SOD2: variants seen among roughly 807,000 people sequenced by gnomAD.
The protein encoded by SOD2 is superoxide dismutase [Mn], mitochondrial.
Under a neutral mutation model 27.0 loss-of-function variants are expected in SOD2, and 11 were observed. The observed-to-expected ratio is 0.41, with a 90% CI of 0.26 to 0.67. The LOEUF is 0.67. SOD2 is among the 30% of genes least tolerant of loss of function. The pLI is 0.34. For synonymous variants in SOD2, 105 were observed against 103.0 expected (o/e 1.02, Z -0.12); for missense variants, 250 against 274.5 (o/e 0.91, Z 0.63).
At chr6:159,699,730 C>T (rs909820995) in intron 1 of SOD2, among the ~76,000 whole-genome samples, 8 of 152,132 alleles carry the variant, frequency 5.3e-5, no homozygotes, top group African/African-American at 1.9e-4. Flanking sequence ...TAAAGAGTAG[C>T]CCAGACCACT....
At chr6:159,712,372 TC>T in intron 1 of SOD2, among the ~76,000 whole-genome samples, 1 of 92,442 alleles carries the variant, frequency 1.1e-5, no homozygotes, top group South Asian at 4.1e-4. Flanking sequence ...TGCTCTGACC[TC>T]CATAACCACC....
intron 1 of SOD2, chr6:159,755,443 T>C (rs904982613): frequency 6.2e-7 from 1 of 1,613,960 alleles, no homozygotes; most frequent in African/African-American, 1.3e-5. Context: ...GTGTAGACTC[T>C]CCCACGGGCA....
chr6:159,738,939 C>CTT, intron 1 of SOD2: 1 of 1,404,740 alleles, frequency 7.1e-7, no homozygotes, highest in Non-Finnish European at 1.0e-6. Context: ...CATTATAGAA[C>CTT]TTTGTGTCTT....
intron 1 of SOD2, among the ~76,000 whole-genome samples, chr6:159,709,361 T>C (rs2114817812): frequency 6.6e-6 from 1 of 152,200 alleles, no homozygotes; most frequent in East Asian, 1.9e-4. Context: ...TTTTGCAATC[T>C]ACTCATCTGA....
chr6:159,748,520 G>A, upstream of SOD2: 1 of 1,422,294 alleles, frequency 7.0e-7, no homozygotes, highest in Non-Finnish European at 9.2e-7. The surrounding 1 kb of genome is among the most constrained non-coding windows in gnomAD (Gnocchi z 5.6). Context: ...AGCTTGTAAT[G>A]GTTAATGTAA....
At position 159,681,209 on chromosome 6, in the gene SOD2, A is replaced by G. The variant is rs1779947147; in HGVS notation, c.*1284T>C. 6.6e-6 allele frequency: 1 copy of G among 152,118 alleles called. No homozygotes were observed. Among genetic ancestry groups the G allele is most frequent in the Admixed American group, 6.5e-5 (1 of 15,276 alleles). The allele number at this position is 152,118 out of a possible 1,614,324, so 9.4% of individuals were successfully genotyped here. A position where few individuals can be genotyped will look rare whatever the true frequency, so the allele number is the denominator to read the frequency against. ...CCCACAAGCACAGAAATAAAGGAGA[A>G]TCTTGAGTTTCCTTCACCGAAAACT... On this transcript the variant is annotated 3_prime_UTR_variant, in exon 5 of 5. Transcript: ENST00000538183.
chr6:159,689,342 G>T (rs558258094), intron 2 of SOD2, among the ~76,000 whole-genome samples: 1 of 152,160 alleles, frequency 6.6e-6, no homozygotes, highest in South Asian at 2.1e-4. Flanking sequence ...ACATGAATTA[G>T]CAACTCCCTG....
At chr6:159,695,684 C>G (rs1394568517), upstream of SOD2, among the ~76,000 whole-genome samples, 1 of 151,916 alleles carries the variant, frequency 6.6e-6, no homozygotes, top group Non-Finnish European at 1.5e-5. Flanking sequence ...TTTGTAGAAA[C>G]AGAGTTTCTT....
chr6:159,692,640 G>A (rs201939534), intron 2 of SOD2, 21 bp downstream of exon 2: 1 of 1,611,232 alleles, frequency 6.2e-7, no homozygotes, highest in Non-Finnish European at 8.5e-7. Context: ...ACTGCCTCCC[G>A]CCGCTCAGCC....
intron 1 of SOD2, chr6:159,755,414 C>A: frequency 6.2e-7 from 1 of 1,614,192 alleles, no homozygotes; most frequent in Non-Finnish European, 8.5e-7. Flanking sequence ...CGTAAATCAA[C>A]TCAGTGCGGG....
At chr6:159,739,935 C>T (rs563887525) in intron 1 of SOD2, among the ~76,000 whole-genome samples, 3 of 126,968 alleles carry the variant, frequency 2.4e-5, no homozygotes, top group African/African-American at 8.9e-5. Context: ...TTTTGTTATT[C>T]TAAAACACTT....
At chr6:159,713,349 G>A (rs1777866217) in intron 1 of SOD2, 1 of 652,800 alleles carries the variant, frequency 1.5e-6, no homozygotes. Context: ...TTACACCTCA[G>A]CCAGCCCCTG....
intron 2 of SOD2, among the ~76,000 whole-genome samples, chr6:159,689,350 C>T (rs1174050651): frequency 2.0e-5 from 3 of 152,206 alleles, no homozygotes; most frequent in Non-Finnish European, 4.4e-5. Flanking sequence ...TAGCAACTCC[C>T]TGCCACCCCT....
intron 1 of SOD2, 75 bp downstream of exon 1, chr6:159,693,070 C>T: frequency 6.6e-7 from 1 of 1,506,288 alleles, no homozygotes; most frequent in Non-Finnish European, 8.8e-7. Flanking sequence ...GCCACTGTCG[C>T]CATTGCCGCG....
upstream of SOD2, among the ~76,000 whole-genome samples, chr6:159,731,229 A>G (rs1218591766): frequency 1.3e-5 from 2 of 152,216 alleles, no homozygotes; most frequent in East Asian, 3.9e-4. Context: ...TTGGAGGCCC[A>G]AGCAGGAGGA....
rs1779607551 is a variant in SOD2, at chr6:159,669,283, G to C, written c.*13210C>G. 6.7e-6 allele frequency: 1 copy of C among 150,342 alleles called. No individual in the cohort carries two copies. The highest frequency in any genetic ancestry group is 2.5e-5 in the African/African-American group (1 of 39,660). The allele number at this position is 150,342 out of a possible 1,614,324, so 9.3% of individuals were successfully genotyped here. ...AAGAACGTGTGTTCTGCAGCTATTA[G>C]AGTGTTCTGCACCTATTAGAATGTT... is the stretch of plus-strand genomic sequence containing the variant. On this transcript the variant is annotated 3_prime_UTR_variant, in exon 5 of 5. Transcript: ENST00000538183.
intron 1 of SOD2, chr6:159,720,318 G>A (rs894653081): frequency 6.6e-6 from 1 of 152,198 alleles, no homozygotes; most frequent in African/African-American, 2.4e-5. Context: ...CTAGAGTGCT[G>A]GGATTACAGG....
In SOD2 at chr6:159,755,234, C is replaced by T. The variant is rs749485411; in HGVS notation, c.-336+5803G>A. 6.2e-6 allele frequency: 10 copies of T among 1,613,988 alleles called. No individual in the cohort carries two copies. In the East Asian group the frequency reaches 8.9e-5, roughly 14 times the overall value. On this transcript the variant is annotated intron_variant, in intron 1 of 7. Coordinates refer to the SOD2 transcript ENST00000546087. ...AGAGGCCACAAGTAAAGACTGCAGT[C>T]GTCTGACAAACGGACCAAGTAATGG...
At chr6:159,700,712 A>C (rs1424648702) in intron 1 of SOD2, among the ~76,000 whole-genome samples, 1 of 151,624 alleles carries the variant, frequency 6.6e-6, no homozygotes, top group African/African-American at 2.4e-5. Context: ...TCCAACTCCC[A>C]TTTTTTTGAT....
Sources: allele counts gnomAD v4.1 joint callset (sites outside exome capture counted in the v4.1 genomes callset), GRCh38; gene constraint gnomAD v4.1.1; non-coding constraint Gnocchi (gnomAD v3.1); transcripts MANE v1.5; gene names NCBI Gene and HGNC (gene_info 2026-07-23, HGNC 2026-07-21).